The following NPHP1 variants were observed in gnomAD, a reference collection of about 807,000 sequenced individuals.
NPHP1 encodes the protein nephrocystin-1.
Under a neutral mutation model 90.4 loss-of-function variants are expected in NPHP1, and 70 were observed. The observed-to-expected ratio is 0.77, with a 90% CI of 0.64 to 0.95. The LOEUF is 0.95. NPHP1 is among the 40% of genes least tolerant of loss of function. The pLI, the probability that NPHP1 is intolerant of heterozygous loss-of-function variation, is 0.00. For synonymous variants in NPHP1, 256 were observed against 271.7 expected (o/e 0.94, Z 0.57); for missense variants, 764 against 795.9 (o/e 0.96, Z 0.48).
rs1680816505 is a variant in NPHP1, at chr2:110,143,757, G to A, written c.1430-116C>T. On this transcript the variant is annotated intron_variant, in intron 15 of 19. Transcript: ENST00000445609. ...CCAGTAGTGCTGAATTGAATGAAAG[G>A]CAAGAGTCATCCATATACCCTAAAT... 4.0e-6 allele frequency: 3 copies of A among 756,764 alleles called. No homozygotes were observed. In the Admixed American group the frequency reaches 6.1e-5, roughly 15 times the overall value. 46.9% of individuals were successfully genotyped at this position (756,764 alleles called of 1,614,324 possible).
At chr2:110,178,250 A>G in intron 4 of NPHP1, 173 bp downstream of exon 4, 5 of 647,694 alleles carry the variant, frequency 7.7e-6, no homozygotes. Context: ...ACTTCTTTCC[A>G]TCTCTCATGG....
chr2:110,162,095 G>T (rs981755246), intron 9 of NPHP1, among the ~76,000 whole-genome samples: 2 of 152,084 alleles, frequency 1.3e-5, no homozygotes, highest in African/African-American at 4.8e-5. Flanking sequence ...CTTTAGTCAT[G>T]AATAATACTT....
intron 16 of NPHP1, among the ~76,000 whole-genome samples, chr2:110,140,290 G>A (rs954890295): frequency 6.6e-6 from 1 of 152,126 alleles, no homozygotes; most frequent in Non-Finnish European, 1.5e-5. Flanking sequence ...AAGTCCTGAG[G>A]AGTATATTTT....
intron 6 of NPHP1, 55 bp downstream of exon 6, chr2:110,168,397 T>A: frequency 1.8e-6 from 2 of 1,095,384 alleles, no homozygotes; most frequent in Admixed American, 1.8e-5. Context: ...AAATGTTTTA[T>A]TAAAAGCGAA....
At chr2:110,128,420 G>C (rs1049983745) in intron 18 of NPHP1, 1 of 151,604 alleles carries the variant, frequency 6.6e-6, no homozygotes, top group African/African-American at 2.4e-5. Flanking sequence ...GACATGCCAA[G>C]CTGGACTGTC....
chr2:110,160,632 G>A (rs1257021835), intron 10 of NPHP1, among the ~76,000 whole-genome samples: 3 of 152,132 alleles, frequency 2.0e-5, no homozygotes, highest in Non-Finnish European at 4.4e-5. Context: ...ATGCCACCTG[G>A]CATTAAGATT....
At chr2:110,143,753 A>G in intron 15 of NPHP1, 112 bp from the exon 16 acceptor site, 1 of 774,734 alleles carries the variant, frequency 1.3e-6, no homozygotes, top group Non-Finnish European at 2.2e-6. Context: ...GAATTGAATG[A>G]AAGGCAAGAG....
intron 5 of NPHP1, among the ~76,000 whole-genome samples, chr2:110,169,041 A>G (rs1366158936): frequency 1.3e-5 from 2 of 152,120 alleles, no homozygotes; most frequent in African/African-American, 4.8e-5. Context: ...TATGTTTTGA[A>G]TAACACTCAC....
chr2:110,126,225 G>A (rs1018719874), intron 18 of NPHP1: 1 of 163,058 alleles, frequency 6.1e-6, no homozygotes, highest in African/African-American at 2.4e-5. Flanking sequence ...ATGAATTTAA[G>A]ACTTTCACTG....
chr2:110,145,869 C>A (rs1681004003), intron 14 of NPHP1, among the ~76,000 whole-genome samples: 1 of 152,306 alleles, frequency 6.6e-6, no homozygotes, highest in East Asian at 1.9e-4. Flanking sequence ...AGGTAATGCA[C>A]CCTCTAGGAT....
intron 16 of NPHP1, among the ~76,000 whole-genome samples, chr2:110,134,161 G>T (rs981517496): frequency 6.6e-6 from 1 of 151,746 alleles, no homozygotes; most frequent in Non-Finnish European, 1.5e-5. Context: ...ATGAAAGAGG[G>T]GATATTACTA....
intron 4 of NPHP1, 98 bp downstream of exon 4, chr2:110,178,325 G>A (rs1683647684): frequency 8.5e-7 from 1 of 1,175,446 alleles, no homozygotes; most frequent in Non-Finnish European, 1.3e-6. Context: ...AGTGTCATTT[G>A]TTTATATCTA....
intron 2 of NPHP1, among the ~76,000 whole-genome samples, chr2:110,198,673 T>C (rs910494211): frequency 2.0e-5 from 3 of 152,124 alleles, no homozygotes; most frequent in Admixed American, 1.3e-4. Context: ...ACACCAGGGT[T>C]AGAGCCGGCC....
rs544368762 is a variant in NPHP1, at chr2:110,144,526, C to T, written c.1396G>A (p.Gly466Ser). The T allele has an allele frequency of 6.2e-7, 1 of 1,606,794 alleles. No homozygotes were observed. Among genetic ancestry groups the T allele is most frequent in the East Asian group, 2.2e-5 (1 of 44,736 alleles). Residue 466 changes from glycine to serine, a missense_variant, in exon 15 of 20, where the codon GGT becomes AGT. Physicochemically the swap from Gly to Ser is moderately conservative, Grantham distance 56. Transcript: ENST00000445609. The stretch of plus-strand genomic sequence containing the variant: ...GATATTGAAGGGTCCACTTCAATAC[C>T]TTTTTCATAAGGAGTACCACCATTC... ...FLNGGTPYEK[G>S]IEVDPSISRR...
Position 110,168,440 on chromosome 2 carries a change from A to T in NPHP1, c.624+12T>A. 6.4e-7 allele frequency: 1 copy of T among 1,573,736 alleles called. No individual in the cohort carries two copies. Among genetic ancestry groups the T allele is most frequent in the Non-Finnish European group, 8.7e-7 (1 of 1,143,488 alleles). On this transcript the variant is annotated intron_variant, in intron 6 of 19. Transcript: ENST00000445609. ...AAAGTCTTAGAAAAGGAAGGCATAA[A>T]CCAAGACTAACCTCTAGGTAGGTTC...
intron 16 of NPHP1, among the ~76,000 whole-genome samples, chr2:110,137,750 T>A (rs1680310773): frequency 1.3e-5 from 2 of 151,130 alleles, no homozygotes; most frequent in Admixed American, 6.6e-5. Flanking sequence ...GTTCAACCAT[T>A]GTGGAAGTCA....
chr2:110,164,857 C>T (rs964091543), intron 7 of NPHP1, 127 bp from the exon 8 acceptor site: 42 of 957,378 alleles, frequency 4.4e-5, no homozygotes, highest in East Asian at 1.2e-4. Flanking sequence ...CAGATGAAAA[C>T]GAGGTAGAGC....
intron 2 of NPHP1, among the ~76,000 whole-genome samples, chr2:110,189,592 AG>A (rs1443028772): frequency 1.3e-5 from 2 of 152,118 alleles, no homozygotes; most frequent in Admixed American, 6.5e-5. Context: ...ACAGTGTGGA[AG>A]GGGACCCAAG....
At chr2:110,163,189 T>G in intron 8 of NPHP1, 54 bp from the exon 9 acceptor site, 3 of 1,221,520 alleles carry the variant, frequency 2.5e-6, no homozygotes, top group Middle Eastern at 1.9e-4. Flanking sequence ...TCTGCATCTC[T>G]ATAATACTTT....
Sources: allele counts gnomAD v4.1 joint callset (sites outside exome capture counted in the v4.1 genomes callset), GRCh38; gene constraint gnomAD v4.1.1; transcripts MANE v1.5; gene names NCBI Gene and HGNC (gene_info 2026-07-23, HGNC 2026-07-21).